COBL: variants seen among roughly 807,000 people sequenced by gnomAD.
COBL encodes the protein protein cordon-bleu.
Under a neutral mutation model 98.8 loss-of-function variants are expected in COBL, and 51 were observed. The ratio of observed to expected loss-of-function variants is 0.52; its 90% CI spans 0.41 to 0.65. The LOEUF (loss-of-function observed/expected upper bound fraction) is 0.65. Ranked by LOEUF, COBL falls within the 30% of genes least tolerant of loss-of-function variation. COBL has a pLI of 0.00. For missense variants in COBL, 1,617 were observed against 1,617.5 expected, an observed-to-expected ratio of 1.00 and a Z score of 0.01; for synonymous variants, 634 against 651.7, an observed-to-expected ratio of 0.97 and a Z score of 0.41.
At chr7:51,022,682 A>G (rs906090910) in intron 12 of COBL, 1 of 152,182 alleles carries the variant, frequency 6.6e-6, no homozygotes, top group Non-Finnish European at 1.5e-5. Context: ...GCCAGCTTTC[A>G]GCATCTCTGG....
intron 7 of COBL, among the ~76,000 whole-genome samples, chr7:51,053,328 T>G (rs368487277): frequency 3.3e-5 from 5 of 152,194 alleles, no homozygotes; most frequent in East Asian, 1.9e-4. Flanking sequence ...TCCTCTTGCC[T>G]GACAGGCAGA....
At chr7:51,064,217 G>A (rs1562862724) in intron 7 of COBL, among the ~76,000 whole-genome samples, 1 of 152,156 alleles carries the variant, frequency 6.6e-6, no homozygotes, top group East Asian at 1.9e-4. Context: ...GCATGTGGCT[G>A]ATGTGGGGTA....
chr7:51,180,076 A>G (rs1788787417), intron 5 of COBL, among the ~76,000 whole-genome samples: 1 of 152,182 alleles, frequency 6.6e-6, no homozygotes, highest in Non-Finnish European at 1.5e-5. Context: ...AACTATTTGT[A>G]TTTTCATTTT....
intron 5 of COBL, among the ~76,000 whole-genome samples, chr7:51,171,197 G>C (rs1028937155): frequency 6.6e-6 from 1 of 152,072 alleles, no homozygotes; most frequent in Non-Finnish European, 1.5e-5. Flanking sequence ...ATACCTGCCA[G>C]AAGTTAATAT....
At chr7:51,082,532 ACACT>A (rs1473107626) in intron 7 of COBL, among the ~76,000 whole-genome samples, 1 of 152,238 alleles carries the variant, frequency 6.6e-6, no homozygotes, top group Non-Finnish European at 1.5e-5. Context: ...GCTTATTAGT[ACACT>A]CAAAGTGAGC....
Position 51,218,726 on chromosome 7 carries a change from T to A in COBL, c.245+1015A>T, listed in dbSNP as rs1584214450. 2.6e-5 allele frequency among the ~76,000 whole-genome samples: 4 copies of A among 152,334 alleles called. No homozygotes were observed. The South Asian group carries it at 6.2e-4, about 24-fold the overall frequency. On this transcript the variant is annotated intron_variant, in intron 2 of 12. Coordinates refer to ENST00000265136, the MANE Select transcript of COBL (RefSeq NM_015198.5). ...TCTGACCTCAAGTGATTCGCCTGCCTCAGCCTCCCAAAGTGATGGGACTAC... is the reference window on the plus strand; with the variant it reads ...TCTGACCTCAAGTGATTCGCCTGCCACAGCCTCCCAAAGTGATGGGACTAC...
chr7:51,154,209 T>C (rs958662950), intron 5 of COBL, among the ~76,000 whole-genome samples: 2 of 152,172 alleles, frequency 1.3e-5, no homozygotes, highest in African/African-American at 4.8e-5. Flanking sequence ...GTTCCATGCA[T>C]ATTCTCCACA....
chr7:51,172,492 C>T, intron 5 of COBL: 1 of 1,288,174 alleles, frequency 7.8e-7, no homozygotes, highest in Non-Finnish European at 1.0e-6. Context: ...TGGAGGTGTC[C>T]TCATCGCTGT....
intron 8 of COBL, among the ~76,000 whole-genome samples, chr7:51,040,156 G>A (rs1278293877): frequency 1.3e-4 from 20 of 149,006 alleles, no homozygotes; most frequent in African/African-American, 5.0e-4. Flanking sequence ...TGAAATCTCT[G>A]AATATGTCTA....
intron 1 of COBL, chr7:51,259,993 G>A (rs1433142292): frequency 1.5e-5 from 11 of 755,706 alleles, no homozygotes; most frequent in Middle Eastern, 2.6e-4. Context: ...CTGCCACCAG[G>A]AATCATATAG....
chr7:51,172,425 CG>C (rs767675973), intron 5 of COBL: 34 of 1,255,092 alleles, frequency 2.7e-5, no homozygotes, highest in Non-Finnish European at 3.4e-5. Context: ...AAGCAATTAG[CG>C]GAAGCACCTG....
chr7:51,209,839 T>A (rs1369297550), intron 2 of COBL, among the ~76,000 whole-genome samples: 1 of 152,098 alleles, frequency 6.6e-6, no homozygotes, highest in Non-Finnish European at 1.5e-5. Flanking sequence ...AGTAAACAGA[T>A]ACAAATCAGT....
intron 7 of COBL, among the ~76,000 whole-genome samples, chr7:51,082,467 C>A (rs1472713359): frequency 2.0e-5 from 3 of 152,178 alleles, no homozygotes; most frequent in Admixed American, 2.0e-4. Flanking sequence ...CAAAGAGAGC[C>A]CCATCTCAAA....
intron 1 of COBL, among the ~76,000 whole-genome samples, chr7:51,283,468 T>C (rs1799987668): frequency 6.6e-6 from 1 of 152,170 alleles, no homozygotes; most frequent in Non-Finnish European, 1.5e-5. Flanking sequence ...TTTAAAAATT[T>C]GAATCTGTAG....
Position 51,030,816 on chromosome 7 carries a change from C to T in COBL, c.1500G>A (p.Leu500=), listed in dbSNP as rs1436589202. ...AGCGGATCAGGTGGTTCTTACCTTC[C>T]AGGTCTTCATCAAGTTCTGCAAGGG... is the stretch of plus-strand genomic sequence containing the variant. ...RKTLAELDED[L]EEMEDSYETD... The change falls in exon 9 of 13, where the codon CTG becomes CTA. Residue 500 remains leucine (L), a synonymous_variant. Transcript: ENST00000265136. 1.9e-6 allele frequency: 3 copies of T among 1,604,898 alleles called. No homozygotes were observed. Among genetic ancestry groups the T allele is most frequent in the East Asian group, 2.2e-5 (1 of 44,836 alleles).
intron 8 of COBL, among the ~76,000 whole-genome samples, chr7:51,041,252 A>C (rs1789162135): frequency 6.6e-6 from 1 of 152,158 alleles, no homozygotes; most frequent in African/African-American, 2.4e-5. Context: ...CTTTAACATT[A>C]TTAGGGATGT....
chr7:51,059,421 T>G (rs1443027422), intron 7 of COBL, among the ~76,000 whole-genome samples: 1 of 152,248 alleles, frequency 6.6e-6, no homozygotes, highest in Non-Finnish European at 1.5e-5. Context: ...GAGGACTTAC[T>G]GTATAATCAT....
At chr7:51,067,083 C>G (rs1246803362) in intron 7 of COBL, among the ~76,000 whole-genome samples, 1 of 152,120 alleles carries the variant, frequency 6.6e-6, no homozygotes, top group Non-Finnish European at 1.5e-5. Context: ...TGCCAGTGAC[C>G]GAAGCACCAG....
In COBL at chr7:51,316,609, C is replaced by T; in HGVS notation, c.25G>A (p.Ala9Thr). The T allele has an allele frequency of 8.3e-7, 1 of 1,204,542 alleles. No individual in the cohort carries two copies. The highest frequency in any genetic ancestry group is 1.0e-6 in the Non-Finnish European group (1 of 970,428). The allele number at this position is 1,204,542 out of a possible 1,614,324, so 74.6% of individuals were successfully genotyped here. A position where few individuals can be genotyped will look rare whatever the true frequency, so the allele number is the denominator to read the frequency against. ...GCCGCTTACCCGGTCGGGGGCTTGG[C>T]CGCCGAGGCGCGCGGCGCGTCCATG... MDAPRASA[A>T]KPPTGRKMKA... Residue 9 changes from alanine to threonine, a missense_variant, in exon 1 of 13, where the codon GCC (alanine) becomes ACC (threonine). By Grantham distance (58) the Ala-to-Thr change is moderately conservative. This residue lies in a region of COBL where 238 missense variants were observed against 215.0 expected (regional missense o/e 1.11). Coordinates refer to ENST00000265136, the MANE Select transcript of COBL (RefSeq NM_015198.5).
Sources: allele counts gnomAD v4.1 joint callset (sites outside exome capture counted in the v4.1 genomes callset), GRCh38; gene constraint gnomAD v4.1.1; regional missense constraint gnomAD v4.1.1; transcripts MANE v1.5; gene names NCBI Gene and HGNC (gene_info 2026-07-23, HGNC 2026-07-21).